The following GMDS variants were observed in gnomAD, a reference collection of about 807,000 sequenced individuals.
GMDS encodes GDP-mannose 4,6 dehydratase.
A neutral mutation model predicts 49.9 loss-of-function variants in GMDS; 20 were observed. The ratio of observed to expected loss-of-function variants is 0.40; its 90% confidence interval spans 0.28 to 0.58. The LOEUF is 0.58. Among genes scored for constraint, GMDS ranks in the 20% least tolerant of loss-of-function variants. GMDS has a pLI of 0.42. For missense variants in GMDS, 362 were observed against 481.4 expected (o/e 0.75, Z 2.32); for synonymous variants, 177 against 178.6 (o/e 0.99, Z 0.07).
At chr6:1,820,009 A>G (rs1326186596) in intron 7 of GMDS, among the ~76,000 whole-genome samples, 1 of 151,848 alleles carries the variant, frequency 6.6e-6, no homozygotes, top group African/African-American at 2.4e-5. Context: ...TACATATATC[A>G]CACAAACATT....
chr6:1,878,215 T>C (rs889638953), intron 7 of GMDS, among the ~76,000 whole-genome samples: 11 of 146,484 alleles, frequency 7.5e-5, no homozygotes, highest in South Asian at 2.1e-4. Context: ...CTTGGGAGGC[T>C]GAGGCAGGAG....
chr6:1,730,625 C>T (rs1766759886), intron 8 of GMDS, among the ~76,000 whole-genome samples: 1 of 152,064 alleles, frequency 6.6e-6, no homozygotes, highest in South Asian at 2.1e-4. Flanking sequence ...TGCTTGTATG[C>T]ACGATGAATA....
chr6:2,117,721 G>A (rs184718234), intron 2 of GMDS, among the ~76,000 whole-genome samples, 165 bp from the exon 3 acceptor site: 470 of 152,178 alleles, frequency 3.1e-3, no homozygotes, highest in Middle Eastern at 0.014. Flanking sequence ...CACCAGCTAC[G>A]AACATCCTAC....
chr6:2,071,174 G>A (rs1282002755), intron 4 of GMDS, among the ~76,000 whole-genome samples: 1 of 152,110 alleles, frequency 6.6e-6, no homozygotes, highest in Non-Finnish European at 1.5e-5. Context: ...ATGTTAACTG[G>A]ATCAAAACCA....
chr6:2,123,223 G>T (rs1775238318), intron 2 of GMDS, among the ~76,000 whole-genome samples: 1 of 152,208 alleles, frequency 6.6e-6, no homozygotes, highest in African/African-American at 2.4e-5. Context: ...CATCACTGCA[G>T]CGCATAGCCG....
intron 7 of GMDS, among the ~76,000 whole-genome samples, chr6:1,861,526 T>C (rs1042613524): frequency 6.6e-6 from 1 of 151,880 alleles, no homozygotes; most frequent in Non-Finnish European, 1.5e-5. Context: ...CAGGGTTGGA[T>C]TGCTCACACT....
At chr6:1,789,620 C>T (rs1174051511) in intron 7 of GMDS, among the ~76,000 whole-genome samples, 4 of 151,004 alleles carry the variant, frequency 2.6e-5, no homozygotes, top group South Asian at 2.1e-4. Context: ...CCTGCAGTCT[C>T]GACCTCCCAG....
At chr6:1,710,956 G>C (rs994686128) in intron 9 of GMDS, among the ~76,000 whole-genome samples, 1 of 152,138 alleles carries the variant, frequency 6.6e-6, no homozygotes, top group Non-Finnish European at 1.5e-5. Flanking sequence ...TACAAAATAC[G>C]TACACCTATG....
At chr6:2,095,901 G>A (rs1773578362) in intron 4 of GMDS, among the ~76,000 whole-genome samples, 1 of 152,194 alleles carries the variant, frequency 6.6e-6, no homozygotes, top group Admixed American at 6.5e-5. Flanking sequence ...AAAAAAGGGG[G>A]AGAGAGGTTT....
intron 4 of GMDS, among the ~76,000 whole-genome samples, chr6:2,105,417 C>A (rs1259186037): frequency 2.6e-5 from 4 of 152,094 alleles, no homozygotes; most frequent in Non-Finnish European, 5.9e-5. Flanking sequence ...AGCCTCTCAG[C>A]CTCCCCTTTA....
chr6:1,648,722 G>GT (rs1362334436), intron 9 of GMDS, among the ~76,000 whole-genome samples: 3 of 152,196 alleles, frequency 2.0e-5, no homozygotes, highest in African/African-American at 4.8e-5. Flanking sequence ...ATAATGAAAC[G>GT]TAACTTTCAA....
intron 1 of GMDS, among the ~76,000 whole-genome samples, chr6:2,149,785 A>G (rs1482649822): frequency 6.6e-6 from 1 of 152,160 alleles, no homozygotes; most frequent in Non-Finnish European, 1.5e-5. Flanking sequence ...CCCAACGGTG[A>G]CTATATTTAA....
intron 1 of GMDS, among the ~76,000 whole-genome samples, chr6:2,156,124 A>C (rs1777102487): frequency 6.6e-6 from 1 of 152,174 alleles, no homozygotes; most frequent in Non-Finnish European, 1.5e-5. Flanking sequence ...TTCTTGCTTT[A>C]AATATTTTCA....
intron 4 of GMDS, among the ~76,000 whole-genome samples, chr6:2,032,591 G>C (rs1769035213): frequency 6.6e-6 from 1 of 152,056 alleles, no homozygotes; most frequent in African/African-American, 2.4e-5. Flanking sequence ...AACAAGTATT[G>C]TTTTAGGTTC....
chr6:2,028,213 G>C (rs925104436), intron 4 of GMDS, among the ~76,000 whole-genome samples: 7 of 152,068 alleles, frequency 4.6e-5, no homozygotes, highest in African/African-American at 1.7e-4. Flanking sequence ...TAATTCATAA[G>C]ACTGCTTAGC....
At chr6:1,842,522 G>A (rs984604880) in intron 7 of GMDS, among the ~76,000 whole-genome samples, 11 of 152,288 alleles carry the variant, frequency 7.2e-5, no homozygotes, top group Middle Eastern at 3.4e-3. Context: ...GCTGGCAGCC[G>A]ACTTACAGCC....
At chr6:1,688,999 A>T (rs955421784) in intron 9 of GMDS, among the ~76,000 whole-genome samples, 1 of 152,214 alleles carries the variant, frequency 6.6e-6, no homozygotes, top group Non-Finnish European at 1.5e-5. Context: ...ACTTTCTTAT[A>T]ACATGTTCTT....
chr6:1,812,646 T>C (rs564147746), intron 7 of GMDS, among the ~76,000 whole-genome samples: 98 of 152,236 alleles, frequency 6.4e-4, no homozygotes, highest in African/African-American at 2.3e-3. Flanking sequence ...TCGATTCCAG[T>C]TCCCAAACCC....
At chr6:2,005,273 A>C (rs1480060226) in intron 4 of GMDS, among the ~76,000 whole-genome samples, 10 of 152,174 alleles carry the variant, frequency 6.6e-5, no homozygotes, top group Admixed American at 6.6e-4. Context: ...CAATATGTTA[A>C]GTATCACTAG....
Sources: gnomAD v4.1 joint callset for allele counts (sites outside exome capture counted in the v4.1 genomes callset) on GRCh38, gnomAD v4.1.1 for gene constraint, MANE v1.5 for transcripts, NCBI Gene and HGNC (gene_info 2026-07-23, HGNC 2026-07-21) for gene names.